The following ARL15 variants were observed in gnomAD, a reference collection of about 807,000 sequenced individuals.
The protein encoded by ARL15 is ARF like GTPase 15.
ARL15 carries 19 observed loss-of-function variants against 25.2 expected under a neutral mutation model. That is an observed-to-expected ratio of 0.75 (90% CI 0.53 to 1.10). The LOEUF (loss-of-function observed/expected upper bound fraction) is 1.10. Ranked by LOEUF, ARL15 falls within the 50% of genes least tolerant of loss-of-function variation. The pLI, the probability that ARL15 is intolerant of heterozygous loss-of-function variation, is 0.00. For missense variants in ARL15, 220 were observed against 246.0 expected (o/e 0.89, Z 0.71); for synonymous variants, 94 against 86.8 (o/e 1.08, Z -0.46).
At chr5:54,042,503 A>C (rs562989832) in intron 4 of ARL15, among the ~76,000 whole-genome samples, 1 of 152,326 alleles carries the variant, frequency 6.6e-6, no homozygotes, top group East Asian at 1.9e-4. Flanking sequence ...AGAAGGAGCC[A>C]AACTCAGAAC....
intron 4 of ARL15, among the ~76,000 whole-genome samples, chr5:54,018,265 C>T (rs1197417085): frequency 6.6e-6 from 1 of 151,940 alleles, no homozygotes; most frequent in Admixed American, 6.6e-5. Flanking sequence ...TAATTTGTTG[C>T]CTTTTGTCTT....
intron 1 of ARL15, among the ~76,000 whole-genome samples, chr5:54,261,461 C>T (rs984779319): frequency 6.6e-6 from 1 of 151,964 alleles, no homozygotes; most frequent in African/African-American, 2.4e-5. Flanking sequence ...CTAGGGCCAA[C>T]CACTTTACTT....
At chr5:54,154,511 CAT>C (rs1754162576) in intron 3 of ARL15, 67 bp downstream of exon 3, 2 of 968,638 alleles carry the variant, frequency 2.1e-6, no homozygotes, top group East Asian at 5.6e-5. Context: ...GTTTGAATTA[CAT>C]ATAATACATT....
intron 4 of ARL15, among the ~76,000 whole-genome samples, chr5:53,982,977 T>A (rs1748174149): frequency 6.6e-6 from 1 of 152,240 alleles, no homozygotes; most frequent in South Asian, 2.1e-4. Context: ...TGCATAAATG[T>A]CTTCTTTTGA....
chr5:53,996,314 C>T (rs1748669318), intron 4 of ARL15, among the ~76,000 whole-genome samples: 1 of 152,146 alleles, frequency 6.6e-6, no homozygotes, highest in Admixed American at 6.6e-5. Context: ...TGTGATCATA[C>T]TCAACATTAG....
At chr5:54,070,298 A>G (rs2112068079) in intron 4 of ARL15, among the ~76,000 whole-genome samples, 1 of 151,786 alleles carries the variant, frequency 6.6e-6, no homozygotes, top group Admixed American at 6.5e-5. Flanking sequence ...AGGCTGAGGC[A>G]GGAGAATGGT....
At chr5:54,056,715 C>T (rs2112011815) in intron 4 of ARL15, among the ~76,000 whole-genome samples, 1 of 151,694 alleles carries the variant, frequency 6.6e-6, no homozygotes, top group Non-Finnish European at 1.5e-5. Flanking sequence ...ATGCCAGAGG[C>T]CACTAAAGGA....
At chr5:53,983,974 C>T (rs893650120) in intron 4 of ARL15, among the ~76,000 whole-genome samples, 1 of 152,218 alleles carries the variant, frequency 6.6e-6, no homozygotes, top group Non-Finnish European at 1.5e-5. Flanking sequence ...TTTATCCTCA[C>T]TGCATCCCAT....
intron 1 of ARL15, among the ~76,000 whole-genome samples, chr5:54,296,076 C>A (rs530435250): frequency 6.6e-6 from 1 of 152,310 alleles, no homozygotes; most frequent in Non-Finnish European, 1.5e-5. Context: ...CCACCCTCTT[C>A]CCTGCCAGGA....
intron 4 of ARL15, among the ~76,000 whole-genome samples, chr5:54,003,535 C>T (rs1384083440): frequency 3.3e-5 from 5 of 152,162 alleles, no homozygotes; most frequent in African/African-American, 9.7e-5. Flanking sequence ...AAACTGTTTT[C>T]CCTCAAACAA....
intron 4 of ARL15, among the ~76,000 whole-genome samples, chr5:53,979,112 C>T (rs924974836): frequency 6.6e-6 from 1 of 152,194 alleles, no homozygotes; most frequent in Non-Finnish European, 1.5e-5. Context: ...GCTTTCAGAA[C>T]AGCACATCTA....
intron 4 of ARL15, among the ~76,000 whole-genome samples, chr5:54,079,873 G>A (rs1321930286): frequency 6.6e-6 from 1 of 151,802 alleles, no homozygotes; most frequent in Non-Finnish European, 1.5e-5. Flanking sequence ...AGGAGGCTGG[G>A]GCCAGAGAAT....
At chr5:54,132,464 A>G (rs1185874932) in intron 3 of ARL15, among the ~76,000 whole-genome samples, 1 of 152,180 alleles carries the variant, frequency 6.6e-6, no homozygotes, top group African/African-American at 2.4e-5. Context: ...AAAAACAGTC[A>G]TATTTTTAAG....
chr5:54,223,181 T>A (rs1256079331), intron 1 of ARL15, among the ~76,000 whole-genome samples: 1 of 151,602 alleles, frequency 6.6e-6, no homozygotes, highest in Non-Finnish European at 1.5e-5. Context: ...CCTCCTCCTT[T>A]CATGAGAACA....
At chr5:54,050,729 C>T (rs1159627683) in intron 4 of ARL15, among the ~76,000 whole-genome samples, 12 of 152,144 alleles carry the variant, frequency 7.9e-5, no homozygotes, top group Admixed American at 5.9e-4. Flanking sequence ...TACCCGTGAT[C>T]GCTTAGTAAT....
intron 1 of ARL15, among the ~76,000 whole-genome samples, chr5:54,287,941 GA>G (rs1386207197): frequency 6.6e-6 from 1 of 152,130 alleles, no homozygotes; most frequent in Non-Finnish European, 1.5e-5. Context: ...GAAAAATACT[GA>G]AAAGATGAAG....
chr5:54,095,865 TA>T lies in ARL15; in HGVS notation c.462+17336del, dbSNP rs908204684. Among the ~76,000 whole-genome samples, 804 of 146,374 alleles carry T rather than the reference TA, an allele frequency of 5.5e-3. 5 individuals are homozygous for T. Among genetic ancestry groups the T allele is most frequent in the Middle Eastern group, 0.035 (10 of 282 alleles). On this transcript the variant is annotated intron_variant, in intron 4 of 4. Coordinates refer to ENST00000504924, the MANE Select transcript of ARL15 (RefSeq NM_019087.3). ...AAAACTTGAATCAAGACTTCAAAGT[TA>T]AAAAAAAAAAATTAGATTACATTTT...
At chr5:54,205,042 C>G (rs1339844453) in intron 1 of ARL15, among the ~76,000 whole-genome samples, 1 of 150,536 alleles carries the variant, frequency 6.6e-6, no homozygotes, top group East Asian at 2.0e-4. Context: ...TCAAGCGATT[C>G]TCCTGCCTCA....
At chr5:53,960,477 G>T (rs1747326847) in intron 4 of ARL15, among the ~76,000 whole-genome samples, 2 of 152,162 alleles carry the variant, frequency 1.3e-5, no homozygotes, top group African/African-American at 4.8e-5. Context: ...TCTAAGGATA[G>T]AATTTAGAAT....
Sources: gnomAD v4.1 joint callset for allele counts (sites outside exome capture counted in the v4.1 genomes callset) on GRCh38, gnomAD v4.1.1 for gene constraint, MANE v1.5 for transcripts, NCBI Gene and HGNC (gene_info 2026-07-23, HGNC 2026-07-21) for gene names.